CEP70: variants seen among roughly 807,000 people sequenced by gnomAD.
CEP70 encodes the protein centrosomal protein of 70 kDa.
A neutral mutation model predicts 90.9 loss-of-function variants in CEP70; 70 were observed. That is an observed-to-expected ratio of 0.77 (90% confidence interval 0.64 to 0.94). The LOEUF is 0.94. Ranked by LOEUF, CEP70 falls within the 40% of genes least tolerant of loss-of-function variation. The pLI is 0.00. For synonymous variants in CEP70, 220 were observed against 228.3 expected, an observed-to-expected ratio of 0.96 and a Z score of 0.33; for missense variants, 648 against 669.0, an observed-to-expected ratio of 0.97 and a Z score of 0.35.
At chr3:138,590,379 TGTCTATAGACAGATACAGGTATCC>T (rs2042320560) in intron 2 of CEP70, among the ~76,000 whole-genome samples, 1 of 152,120 alleles carries the variant, frequency 6.6e-6, no homozygotes, top group East Asian at 1.9e-4. Context: ...TTAACATGTG[TGTCTATAGACAGATACAGGTATCC>T]TAGCTCTGTC....
At chr3:138,574,288 T>C (rs922580360) in intron 2 of CEP70, among the ~76,000 whole-genome samples, 1 of 152,230 alleles carries the variant, frequency 6.6e-6, no homozygotes, top group Non-Finnish European at 1.5e-5. Context: ...CAGGAGATTA[T>C]ATCCCATGCC....
intron 6 of CEP70, among the ~76,000 whole-genome samples, chr3:138,555,996 A>G (rs2039976820): frequency 6.6e-6 from 1 of 152,230 alleles, no homozygotes; most frequent in Non-Finnish European, 1.5e-5. Flanking sequence ...ACAATTCACA[A>G]TTGCAAAAAT....
chr3:138,527,071 C>T (rs993490290), intron 10 of CEP70, among the ~76,000 whole-genome samples: 17 of 152,004 alleles, frequency 1.1e-4, no homozygotes, highest in East Asian at 1.9e-4. Flanking sequence ...TATAAACTAA[C>T]GTATAATGAT....
chr3:138,557,832 T>A (rs1190438783), intron 6 of CEP70, among the ~76,000 whole-genome samples: 2 of 151,974 alleles, frequency 1.3e-5, no homozygotes, highest in Non-Finnish European at 1.5e-5. Context: ...AAATAAGACA[T>A]AACAGATCAA....
intron 17 of CEP70, chr3:138,496,173 C>A (rs1226609533): frequency 1.0e-6 from 1 of 985,278 alleles, no homozygotes; most frequent in Non-Finnish European, 1.2e-6. Flanking sequence ...CTAGCTTATT[C>A]TGTTAAGCCA....
At chr3:138,517,104 T>G (rs996716211) in intron 11 of CEP70, among the ~76,000 whole-genome samples, 1 of 152,204 alleles carries the variant, frequency 6.6e-6, no homozygotes, top group African/African-American at 2.4e-5. Context: ...ACAGCAAAAA[T>G]TGGAGGCTTG....
chr3:138,559,540 C>T (rs1336201568), intron 6 of CEP70, among the ~76,000 whole-genome samples: 1 of 152,184 alleles, frequency 6.6e-6, no homozygotes, highest in East Asian at 1.9e-4. Flanking sequence ...CAAGACCAGC[C>T]TGGCCAACCT....
chr3:138,506,906 A>T (rs1336112838), intron 12 of CEP70, among the ~76,000 whole-genome samples: 2 of 151,638 alleles, frequency 1.3e-5, no homozygotes, highest in Admixed American at 6.6e-5. Flanking sequence ...ATGCCCAGCT[A>T]ATTAAATTTT....
chr3:138,530,951 G>C lies in CEP70; in HGVS notation c.693-1489C>G, dbSNP rs1560346437. 5.8e-6 allele frequency: 3 copies of C among 516,168 alleles called. No individual in the cohort carries two copies. In the South Asian group the frequency reaches 2.5e-4, roughly 44 times the overall value. 32.0% of individuals were successfully genotyped at this position (516,168 alleles called of 1,614,324 possible). A position where few individuals can be genotyped will look rare whatever the true frequency, so the allele number is the denominator to read the frequency against. ...CGAAAAACTCCCTCCTTAGGAGAGA[G>C]ACTCTTTTTATTGCTGCAAATTTTC... On this transcript the variant is annotated intron_variant, in intron 8 of 17. Coordinates refer to ENST00000264982, the MANE Select transcript of CEP70 (RefSeq NM_024491.4).
intron 16 of CEP70, chr3:138,499,909 C>G: frequency 2.0e-6 from 1 of 490,472 alleles, no homozygotes; most frequent in South Asian, 2.9e-5. Flanking sequence ...TTTAATTTCA[C>G]CCCTCCAGGA....
At chr3:138,513,232 C>A (rs1272041142) in intron 11 of CEP70, among the ~76,000 whole-genome samples, 1 of 152,198 alleles carries the variant, frequency 6.6e-6, no homozygotes, top group South Asian at 2.1e-4. Context: ...GACACGCCAC[C>A]TCCTTTCCTT....
At chr3:138,542,441 G>T (rs757950309) in intron 6 of CEP70, among the ~76,000 whole-genome samples, 1 of 152,210 alleles carries the variant, frequency 6.6e-6, no homozygotes, top group East Asian at 1.9e-4. Flanking sequence ...CTTGTCACCC[G>T]CAGCGCAGCA....
chr3:138,501,167 G>T (rs1184906126), intron 13 of CEP70, among the ~76,000 whole-genome samples: 4 of 151,842 alleles, frequency 2.6e-5, no homozygotes, highest in African/African-American at 9.7e-5. Flanking sequence ...AGTGCTCTAA[G>T]TAATTTTATG....
At chr3:138,564,017 T>TCC (rs1553861412) in intron 6 of CEP70, among the ~76,000 whole-genome samples, 1 of 152,040 alleles carries the variant, frequency 6.6e-6, no homozygotes, top group African/African-American at 2.4e-5. Flanking sequence ...AAAGGGGATA[T>TCC]CCCCACTGAT....
rs768671581 is a variant in CEP70, at chr3:138,497,287, A to C, written c.1732+744T>G. ...TTCATTGACTCATTCCCTTATTTTC[A>C]TACCAAGCTTCATCTCCTCTTCTAA... On this transcript the variant is annotated intron_variant, in intron 17 of 17. Transcript: ENST00000264982. 3.2e-5 allele frequency: 40 copies of C among 1,268,998 alleles called. No individual in the cohort carries two copies. The African/African-American group carries it at 5.9e-4, about 19-fold the overall frequency. 78.6% of individuals were successfully genotyped at this position (1,268,998 alleles called of 1,614,324 possible). A position where few individuals can be genotyped will look rare whatever the true frequency, so the allele number is the denominator to read the frequency against.
At chr3:138,591,579 A>G (rs1448926865) in intron 2 of CEP70, among the ~76,000 whole-genome samples, 3 of 152,210 alleles carry the variant, frequency 2.0e-5, no homozygotes, top group African/African-American at 7.2e-5. Context: ...AAAGATTAGA[A>G]GAGTTAATAT....
chr3:138,589,457 A>G (rs987883446), intron 2 of CEP70, among the ~76,000 whole-genome samples: 8 of 151,514 alleles, frequency 5.3e-5, no homozygotes, highest in African/African-American at 1.9e-4. Context: ...GTTCATGACC[A>G]GCCTGGGCAA....
intron 8 of CEP70, among the ~76,000 whole-genome samples, chr3:138,530,293 C>T (rs1312768550): frequency 6.6e-6 from 1 of 152,082 alleles, no homozygotes; most frequent in African/African-American, 2.4e-5. Context: ...TTCTGTTAAA[C>T]ACAACTTTAT....
At chr3:138,555,159 G>GA (rs1335146582) in intron 6 of CEP70, among the ~76,000 whole-genome samples, 2 of 150,256 alleles carry the variant, frequency 1.3e-5, no homozygotes, top group African/African-American at 2.5e-5. Flanking sequence ...TGAGGCAGGA[G>GA]AATCACTTCT....
Sources: gnomAD v4.1 joint callset for allele counts (sites outside exome capture counted in the v4.1 genomes callset) on GRCh38, gnomAD v4.1.1 for gene constraint, MANE v1.5 for transcripts, NCBI Gene and HGNC (gene_info 2026-07-23, HGNC 2026-07-21) for gene names.